GRM7: variants seen among roughly 807,000 people sequenced by gnomAD.
GRM7 encodes metabotropic glutamate receptor 7.
A neutral mutation model predicts 84.5 loss-of-function variants in GRM7; 35 were observed. The ratio of observed to expected loss-of-function variants is 0.41; its 90% confidence interval spans 0.32 to 0.55. GRM7 has a LOEUF of 0.55. GRM7 is among the 20% of genes least tolerant of loss of function. The pLI is 0.19. For missense variants in GRM7, 1,003 were observed against 1,194.6 expected, an observed-to-expected ratio of 0.84 and a Z score of 2.36; for synonymous variants, 487 against 455.1, an observed-to-expected ratio of 1.07 and a Z score of -0.89.
intron 2 of GRM7, among the ~76,000 whole-genome samples, chr3:7,218,061 A>G (rs2124866829): frequency 6.6e-6 from 1 of 152,226 alleles, no homozygotes; most frequent in East Asian, 1.9e-4. Context: ...GTTATCTTTT[A>G]TTATGACTCT....
intron 8 of GRM7, among the ~76,000 whole-genome samples, chr3:7,609,583 G>A (rs1575551381): frequency 6.6e-6 from 1 of 151,768 alleles, no homozygotes. Flanking sequence ...GTAGGTGGGT[G>A]AATGTGGGGT....
intron 1 of GRM7, among the ~76,000 whole-genome samples, chr3:6,984,750 A>G (rs970958812): frequency 8.5e-5 from 13 of 152,140 alleles, no homozygotes; most frequent in Non-Finnish European, 1.6e-4. Context: ...TGATACATCC[A>G]GTGATATGAG....
chr3:6,892,090 C>T (rs555296530), intron 1 of GRM7, among the ~76,000 whole-genome samples: 1 of 152,174 alleles, frequency 6.6e-6, no homozygotes, highest in Admixed American at 6.5e-5. Flanking sequence ...CCATCAGCTC[C>T]TTTAAGCACT....
intron 4 of GRM7, among the ~76,000 whole-genome samples, chr3:7,390,321 A>G (rs1393283921): frequency 6.6e-6 from 1 of 151,990 alleles, no homozygotes; most frequent in African/African-American, 2.4e-5. Context: ...TTTGATCATT[A>G]TGTGCCTTGG....
At chr3:7,214,933 G>T (rs532801751) in intron 2 of GRM7, among the ~76,000 whole-genome samples, 1 of 152,100 alleles carries the variant, frequency 6.6e-6, no homozygotes, top group Admixed American at 6.5e-5. Flanking sequence ...TATTTAGAAA[G>T]ACCTAAAAAC....
intron 2 of GRM7, among the ~76,000 whole-genome samples, chr3:7,238,996 C>CTTTTTTTT (rs567509392): frequency 2.8e-4 from 33 of 118,338 alleles, no homozygotes; most frequent in East Asian, 4.9e-4. Flanking sequence ...TTTCTTTTTT[C>CTTTTTTTT]CTTTTTCTTT....
intron 1 of GRM7, among the ~76,000 whole-genome samples, chr3:6,926,079 T>G (rs1253198828): frequency 1.3e-5 from 2 of 152,164 alleles, no homozygotes; most frequent in Non-Finnish European, 2.9e-5. Context: ...CCCACACACA[T>G]GCACGTACAC....
At chr3:6,919,425 C>G (rs1230887554) in intron 1 of GRM7, among the ~76,000 whole-genome samples, 1 of 145,752 alleles carries the variant, frequency 6.9e-6, no homozygotes, top group Admixed American at 6.9e-5. Flanking sequence ...CCAGGCTGGT[C>G]TCAAACTCCT....
At chr3:7,322,132 T>C (rs1368911771) in intron 4 of GRM7, among the ~76,000 whole-genome samples, 1 of 152,134 alleles carries the variant, frequency 6.6e-6, no homozygotes, top group East Asian at 1.9e-4. Flanking sequence ...GATACCTACA[T>C]GGAGATATTT....
chr3:7,490,701 A>G (rs1699488014), intron 7 of GRM7, among the ~76,000 whole-genome samples: 1 of 152,204 alleles, frequency 6.6e-6, no homozygotes, highest in Admixed American at 6.5e-5. Flanking sequence ...ATATTTGTTT[A>G]TATTTTAAAA....
chr3:7,493,249 T>G (rs1699586113), intron 7 of GRM7, among the ~76,000 whole-genome samples: 1 of 152,044 alleles, frequency 6.6e-6, no homozygotes, highest in African/African-American at 2.4e-5. Context: ...TGTTTAATAC[T>G]GAACAGGAAA....
At chr3:7,127,696 T>G (rs183784536) in intron 1 of GRM7, among the ~76,000 whole-genome samples, 1 of 152,334 alleles carries the variant, frequency 6.6e-6, no homozygotes, top group Admixed American at 6.5e-5. Context: ...TTTATGTATA[T>G]GCTACACACC....
intron 1 of GRM7, among the ~76,000 whole-genome samples, chr3:6,990,656 A>G (rs1373723696): frequency 3.9e-5 from 6 of 152,098 alleles, no homozygotes. Context: ...TTCTTTACAT[A>G]GATCTATTCA....
At chr3:7,131,021 A>T (rs962678284) in intron 1 of GRM7, among the ~76,000 whole-genome samples, 1 of 152,190 alleles carries the variant, frequency 6.6e-6, no homozygotes, top group African/African-American at 2.4e-5. Flanking sequence ...CTTCACTAGC[A>T]TTGTGAATTT....
At chr3:7,395,380 A>G (rs1419423125) in intron 4 of GRM7, among the ~76,000 whole-genome samples, 1 of 152,180 alleles carries the variant, frequency 6.6e-6, no homozygotes, top group East Asian at 1.9e-4. Flanking sequence ...ACTGTTTTAC[A>G]TTACTAATTT....
rs1192532645 is a variant in GRM7 at position 7,099,737 on chromosome 3, CGCATTATACATGTGCACATACATGT to C, written c.520-46714_520-46690del. 1.1e-3 allele frequency among the ~76,000 whole-genome samples: 85 copies of C among 76,464 alleles called. 8 individuals carry two copies. The African/African-American group carries it at 0.012, about 11-fold the overall frequency. The allele number at this position is 76,464 out of a possible 152,430, so 50.2% of individuals were successfully genotyped here. On this transcript the variant is annotated intron_variant, in intron 1 of 9. Coordinates refer to ENST00000357716, the MANE Select transcript of GRM7 (RefSeq NM_000844.4). The stretch of plus-strand genomic sequence containing the variant: ...ATGTGCACATACATGTATATGTACA[CGCATTATACATGTGCACATACATGT>C]ATATGTACACGCATTATACATGTGC...
At chr3:7,643,281 GCAACTT>G (rs377165825) in intron 8 of GRM7, among the ~76,000 whole-genome samples, 71,414 of 151,236 alleles carry the variant, frequency 0.47, 17,421 homozygotes, top group East Asian at 0.68. Flanking sequence ...AGAACTGGTT[GCAACTT>G]CAGTATTCAC....
intron 2 of GRM7, among the ~76,000 whole-genome samples, chr3:7,266,816 C>A (rs1698658767): frequency 6.6e-6 from 1 of 152,228 alleles, no homozygotes; most frequent in East Asian, 1.9e-4. Flanking sequence ...TTGGATAATT[C>A]ATATTTTTCA....
chr3:7,229,619 A>G (rs1697095238), intron 2 of GRM7, among the ~76,000 whole-genome samples: 1 of 149,894 alleles, frequency 6.7e-6, no homozygotes, highest in African/African-American at 2.4e-5. Flanking sequence ...CGGAAGGGTA[A>G]ATGGATTTCC....
Sources: allele counts gnomAD v4.1 joint callset (sites outside exome capture counted in the v4.1 genomes callset), GRCh38; gene constraint gnomAD v4.1.1; transcripts MANE v1.5; gene names NCBI Gene and HGNC (gene_info 2026-07-23, HGNC 2026-07-21).